The following KIF5C variants were observed in gnomAD, a reference collection of about 807,000 sequenced individuals.
The protein encoded by KIF5C is kinesin heavy chain isoform 5C.
In KIF5C, 18 loss-of-function variants were observed where a neutral mutation model predicts 125.2. The ratio of observed to expected loss-of-function variants is 0.14; its 90% CI spans 0.10 to 0.21. KIF5C has a LOEUF of 0.21. KIF5C is among the 10% of genes least tolerant of loss of function. KIF5C has a pLI of 1.00. For missense variants in KIF5C, 780 were observed against 1,183.8 expected (o/e 0.66, Z 5.01); for synonymous variants, 405 against 434.0 (o/e 0.93, Z 0.83).
chr2:148,932,093 G>A (rs536344369), intron 3 of KIF5C, among the ~76,000 whole-genome samples: 1 of 152,256 alleles, frequency 6.6e-6, no homozygotes, highest in African/African-American at 2.4e-5. Flanking sequence ...GCCCTAAGCT[G>A]AAGTCATAGA....
chr2:148,978,397 A>C (rs1158783909), intron 12 of KIF5C, among the ~76,000 whole-genome samples: 1 of 114,108 alleles, frequency 8.8e-6, no homozygotes, highest in East Asian at 3.0e-4. Context: ...ATCGAGAGGG[A>C]GGTCTTCCAA....
chr2:148,890,259 A>G (rs75428049), intron 1 of KIF5C, among the ~76,000 whole-genome samples: 1,854 of 152,356 alleles, frequency 0.012, 34 homozygotes, highest in African/African-American at 0.043. Context: ...ATGGAATAAC[A>G]GTTTCTACAG....
intron 1 of KIF5C, among the ~76,000 whole-genome samples, chr2:148,880,827 TC>T (rs1369541795): frequency 6.6e-6 from 1 of 152,088 alleles, no homozygotes; most frequent in African/African-American, 2.4e-5. Context: ...AGAGCTGTAA[TC>T]TGGCGTGTGT....
chr2:148,993,034 G>T (rs1477887321), intron 16 of KIF5C, among the ~76,000 whole-genome samples: 1 of 152,188 alleles, frequency 6.6e-6, no homozygotes, highest in African/African-American at 2.4e-5. Context: ...GTGAACTGAT[G>T]GAACTGTTAG....
Position 149,021,735 on chromosome 2 carries a change from T to TTTTA in KIF5C, c.*8-1343_*8-1342insTTTA, listed in dbSNP as rs1553473202. ...AGAGGGCTTTTTTTTTTTTTTTTTT[T>TTTTA]AATCAAAAGAGAAGTTGGGCTTTTC... On this transcript the variant is annotated intron_variant, in intron 25 of 25. Coordinates refer to ENST00000435030, the MANE Select transcript of KIF5C (RefSeq NM_004522.3). Among the ~76,000 whole-genome samples the TTTTA allele has an allele frequency of 1.4e-5, 2 of 146,508 alleles. 1 individual carries two copies. Among genetic ancestry groups the TTTTA allele is most frequent in the Non-Finnish European group, 3.0e-5 (2 of 67,340 alleles).
At chr2:149,022,403 T>C (rs1682559033) in intron 25 of KIF5C, among the ~76,000 whole-genome samples, 1 of 152,042 alleles carries the variant, frequency 6.6e-6, no homozygotes, top group Non-Finnish European at 1.5e-5. Context: ...TCTCAAAATG[T>C]GGCTAAGTCC....
At chr2:148,982,879 A>G (rs1301666155) in intron 14 of KIF5C, among the ~76,000 whole-genome samples, 1 of 152,260 alleles carries the variant, frequency 6.6e-6, no homozygotes, top group African/African-American at 2.4e-5. Flanking sequence ...CTCTAGCTGC[A>G]TATGGGAGAA....
chr2:148,880,442 A>G (rs1032266918), intron 1 of KIF5C, among the ~76,000 whole-genome samples: 8 of 152,234 alleles, frequency 5.3e-5, no homozygotes, highest in African/African-American at 2.4e-5. Context: ...TGGTATGATT[A>G]TGAATAAAGC....
intron 10 of KIF5C, among the ~76,000 whole-genome samples, chr2:148,952,605 A>G (rs1682691029): frequency 6.6e-6 from 1 of 152,190 alleles, no homozygotes; most frequent in African/African-American, 2.4e-5. Flanking sequence ...GTGTCTGAGC[A>G]CAGCCCTTTG....
intron 8 of KIF5C, among the ~76,000 whole-genome samples, chr2:148,948,347 ACT>A (rs1422384520): frequency 5.5e-5 from 8 of 144,248 alleles, no homozygotes; most frequent in African/African-American, 2.1e-4. Context: ...ACAGAGGGAG[ACT>A]CTGTCTCAAA....
intron 1 of KIF5C, among the ~76,000 whole-genome samples, chr2:148,887,290 T>A (rs773181719): frequency 3.9e-5 from 6 of 152,220 alleles, no homozygotes; most frequent in Non-Finnish European, 7.3e-5. Flanking sequence ...AAATTACATG[T>A]GTGGCTCACA....
intron 3 of KIF5C, among the ~76,000 whole-genome samples, chr2:148,934,532 TCACA>T (rs903241307): frequency 7.5e-5 from 11 of 145,856 alleles, no homozygotes; most frequent in Non-Finnish European, 1.7e-4. Context: ...CCCACATATA[TCACA>T]CACACAACAC....
chr2:148,926,672 G>C (rs1682012883), intron 2 of KIF5C, among the ~76,000 whole-genome samples: 1 of 152,196 alleles, frequency 6.6e-6, no homozygotes. Flanking sequence ...TCCCTCACCA[G>C]CAAATCAAAA....
intron 21 of KIF5C, among the ~76,000 whole-genome samples, chr2:149,002,318 TCTCA>T (rs1312024636): frequency 3.3e-5 from 5 of 152,116 alleles, no homozygotes; most frequent in Non-Finnish European, 7.4e-5. Flanking sequence ...TCTCTTTCAG[TCTCA>T]CTCACACCTA....
chr2:148,980,572 T>C (rs1681203562), intron 13 of KIF5C, among the ~76,000 whole-genome samples: 1 of 152,288 alleles, frequency 6.6e-6, no homozygotes, highest in East Asian at 1.9e-4. Flanking sequence ...TTTTAGTTGA[T>C]TGTGAAGTCA....
chr2:148,900,550 C>T (rs936465530), intron 1 of KIF5C, among the ~76,000 whole-genome samples: 3 of 152,230 alleles, frequency 2.0e-5, no homozygotes, highest in Admixed American at 6.5e-5. Flanking sequence ...ACACTACCCT[C>T]GTTTGCCTCT....
chr2:148,987,522 G>T (rs992544013), intron 15 of KIF5C, among the ~76,000 whole-genome samples: 1 of 152,132 alleles, frequency 6.6e-6, no homozygotes, highest in Non-Finnish European at 1.5e-5. Context: ...AAAAGGGCTG[G>T]CTTCTGTTTA....
chr2:149,010,395 C>A (rs1191467101), intron 24 of KIF5C, 44 bp downstream of exon 24: 12 of 1,494,818 alleles, frequency 8.0e-6, no homozygotes, highest in Non-Finnish European at 1.1e-5. Context: ...GAAGCTACTG[C>A]GGCCTCTCAG....
chr2:148,875,833 C>T (rs1330610280), intron 1 of KIF5C, 90 bp downstream of exon 1: 2 of 1,487,978 alleles, frequency 1.3e-6, no homozygotes, highest in East Asian at 2.6e-5. Flanking sequence ...GTTTAGGCCG[C>T]CCCCTCGGAC....
Sources: allele counts gnomAD v4.1 joint callset (sites outside exome capture counted in the v4.1 genomes callset), GRCh38; gene constraint gnomAD v4.1.1; transcripts MANE v1.5; gene names NCBI Gene and HGNC (gene_info 2026-07-23, HGNC 2026-07-21).